GATAD1: variants seen among roughly 807,000 people sequenced by gnomAD.
GATAD1 encodes GATA zinc finger domain-containing protein 1.
In GATAD1, 12 loss-of-function variants were observed where a neutral mutation model predicts 26.5. That is an observed-to-expected ratio of 0.45 (90% confidence interval 0.29 to 0.73). The LOEUF is 0.73. Among genes scored for constraint, GATAD1 ranks in the 30% least tolerant of loss-of-function variants. GATAD1 has a pLI of 0.10. For synonymous variants in GATAD1, 129 were observed against 133.1 expected, an observed-to-expected ratio of 0.97 and a Z score of 0.21; for missense variants, 266 against 342.1, an observed-to-expected ratio of 0.78 and a Z score of 1.75.
rs1236236314 is a variant in GATAD1, at chr7:92,448,694, AC to A, written c.250-56del. 9.4e-6 allele frequency: 13 copies of A among 1,377,994 alleles called. No homozygotes were observed. The East Asian group carries it at 2.5e-4, about 27-fold the overall frequency. The allele number at this position is 1,377,994 out of a possible 1,614,324, so 85.4% of individuals were successfully genotyped here. On this transcript the variant is annotated intron_variant, in intron 1 of 4. Coordinates refer to ENST00000287957, the MANE Select transcript of GATAD1 (RefSeq NM_021167.5). ...ATCCTTGTAAGATGATTGTACTGCA[AC>A]CTTTATGCACTTTTTACTTCTTTCT...
downstream of GATAD1, among the ~76,000 whole-genome samples, chr7:92,462,725 G>A (rs1460728128): frequency 6.6e-6 from 1 of 152,196 alleles, no homozygotes; most frequent in East Asian, 1.9e-4. Context: ...GGTCATGAGG[G>A]TGGAGCCCGC....
At chr7:92,481,358 C>T in the GATAD1 span, among the ~76,000 whole-genome samples, 2 of 151,958 alleles carry the variant, frequency 1.3e-5, no homozygotes, top group Non-Finnish European at 2.9e-5. Context: ...CTGAAGGAGC[C>T]GGGGAGCAGA....
At position 92,450,737 on chromosome 7, in the gene GATAD1, A is replaced by G. The variant is rs1344229817; in HGVS notation, c.412A>G (p.Thr138Ala). 2 of 1,609,214 alleles carry G rather than the reference A, an allele frequency of 1.2e-6. No homozygotes were observed. Among genetic ancestry groups the G allele is most frequent in the Admixed American group, 1.7e-5 (1 of 60,004 alleles). Residue 138 changes from threonine to alanine, a missense_variant, in exon 3 of 5, where the codon ACT (threonine) becomes GCT (alanine). Physicochemically the swap from Thr to Ala is moderately conservative, Grantham distance 58. Transcript: ENST00000287957. ...TCCTGAGTCAGTTTCCACTATAATC[A>G]CTGCAGAATCAATCTTCTACAAGGT... is the stretch of plus-strand genomic sequence containing the variant. ...KAPESVSTII[T>A]AESIFYKGVY...
the GATAD1 span, among the ~76,000 whole-genome samples, chr7:92,495,410 A>G: frequency 3.3e-5 from 5 of 152,132 alleles, no homozygotes; most frequent in African/African-American, 1.2e-4. Context: ...CTGCTACTTG[A>G]ATGTTTGGCA....
chr7:92,490,006 A>G, the GATAD1 span: 11 of 960,620 alleles, frequency 1.1e-5, no homozygotes, highest in Non-Finnish European at 1.8e-5. Flanking sequence ...ATTTTAAGCA[A>G]TAAAACATTA....
chr7:92,466,718 C>T, the GATAD1 span, among the ~76,000 whole-genome samples: 1 of 152,084 alleles, frequency 6.6e-6, no homozygotes, highest in Non-Finnish European at 1.5e-5. Context: ...ATAAATAGTC[C>T]TCAACTAAGA....
At chr7:92,481,669 T>C in the GATAD1 span, among the ~76,000 whole-genome samples, 2 of 152,162 alleles carry the variant, frequency 1.3e-5, no homozygotes, top group Non-Finnish European at 2.9e-5. Flanking sequence ...GAGCAGTCTC[T>C]AAAGCTGTCT....
chr7:92,481,044 G>A, the GATAD1 span, among the ~76,000 whole-genome samples: 210 of 152,296 alleles, frequency 1.4e-3, 2 homozygotes, highest in African/African-American at 4.7e-3. Flanking sequence ...TCGGCTTGCT[G>A]AGAGGTAGTG....
the GATAD1 span, among the ~76,000 whole-genome samples, chr7:92,466,522 T>C: frequency 6.6e-6 from 1 of 152,172 alleles, no homozygotes; most frequent in African/African-American, 2.4e-5. Flanking sequence ...AAACAAAATC[T>C]TCTCTCAACC....
chr7:92,495,654 T>TC, the GATAD1 span, among the ~76,000 whole-genome samples: 1 of 152,166 alleles, frequency 6.6e-6, no homozygotes, highest in Non-Finnish European at 1.5e-5. Flanking sequence ...TAGCGATGTT[T>TC]CCCTTTTTAT....
chr7:92,491,580 A>G, the GATAD1 span: 1 of 853,408 alleles, frequency 1.2e-6, no homozygotes, highest in Non-Finnish European at 2.0e-6. Context: ...CATAGATAGC[A>G]TTCTATTAGA....
At chr7:92,479,065 G>A in the GATAD1 span, among the ~76,000 whole-genome samples, 1 of 152,170 alleles carries the variant, frequency 6.6e-6, no homozygotes, top group African/African-American at 2.4e-5. Context: ...CTTTTCCACT[G>A]CACATGGGGT....
chr7:92,451,709 T>A (rs1789438829), intron 3 of GATAD1, among the ~76,000 whole-genome samples: 1 of 152,240 alleles, frequency 6.6e-6, no homozygotes, highest in South Asian at 2.1e-4. Flanking sequence ...TTTAATACAT[T>A]GTTAATAAAA....
the GATAD1 span, chr7:92,475,237 G>A: frequency 6.6e-6 from 1 of 152,068 alleles, no homozygotes; most frequent in African/African-American, 2.4e-5. Flanking sequence ...AGTGTCTGAG[G>A]GTCAAATTGG....
chr7:92,470,240 C>T, the GATAD1 span: 47 of 778,592 alleles, frequency 6.0e-5, no homozygotes, highest in African/African-American at 5.4e-4. Context: ...GATGGGGCAT[C>T]AATATTTCCG....
At chr7:92,483,265 G>A in the GATAD1 span, among the ~76,000 whole-genome samples, 1 of 152,194 alleles carries the variant, frequency 6.6e-6, no homozygotes, top group African/African-American at 2.4e-5. Context: ...AGATCCTGGG[G>A]GAGGTGGTCC....
At position 92,457,181 on chromosome 7, in the gene GATAD1, AGGCTG is replaced by A. The variant is rs1789715714; in HGVS notation, c.*623_*627del. 4 of 148,610 alleles carry A rather than the reference AGGCTG, an allele frequency of 2.7e-5. No homozygotes were observed. The South Asian group carries it at 8.5e-4, about 31-fold the overall frequency. 9.2% of individuals were successfully genotyped at this position (148,610 alleles called of 1,614,324 possible). On this transcript the variant is annotated 3_prime_UTR_variant, in exon 5 of 5. Transcript: ENST00000287957. ...TCTCGGAAAAAAAAAAAAAAAAAAA[AGGCTG>A]GGCACAGTGGCTCACGCCTTTAATC...
chr7:92,487,413 G>T, the GATAD1 span: 1 of 985,414 alleles, frequency 1.0e-6, no homozygotes, highest in Non-Finnish European at 1.6e-6. Context: ...ATATGGAAAA[G>T]CCATCAAAAA....
At chr7:92,487,985 T>G in the GATAD1 span, among the ~76,000 whole-genome samples, 9 of 152,180 alleles carry the variant, frequency 5.9e-5, no homozygotes, top group Non-Finnish European at 1.3e-4. Flanking sequence ...CAATTCCACC[T>G]CTATCCTAGT....
Sources: gnomAD v4.1 joint callset for allele counts (sites outside exome capture counted in the v4.1 genomes callset) on GRCh38, gnomAD v4.1.1 for gene constraint, MANE v1.5 for transcripts, NCBI Gene and HGNC (gene_info 2026-07-23, HGNC 2026-07-21) for gene names.